KDM4C: variants seen among roughly 807,000 people sequenced by gnomAD.
The protein encoded by KDM4C is lysine-specific demethylase 4C.
A neutral mutation model predicts 129.3 loss-of-function variants in KDM4C; 81 were observed. The ratio of observed to expected loss-of-function variants is 0.63; its 90% confidence interval spans 0.52 to 0.75. The LOEUF (loss-of-function observed/expected upper bound fraction) is 0.75, where lower values mean the gene tolerates loss of function less well. KDM4C is among the 30% of genes least tolerant of loss of function. The pLI, the probability that KDM4C is intolerant of heterozygous loss-of-function variation, is 0.00. For missense variants in KDM4C, 1,457 were observed against 1,304.0 expected (o/e 1.12, Z -1.81); for synonymous variants, 573 against 456.1 (o/e 1.26, Z -3.26).
rs142696982 is a variant in KDM4C, at chr9:6,958,037, A to G, written c.922-22888A>G. ...TCCGAGGGAGAGAACAATTGTAGAC[A>G]TATAAACATTAGTTATAACAACTGA... is the stretch of plus-strand genomic sequence containing the variant. On this transcript the variant is annotated intron_variant, in intron 8 of 21. Coordinates refer to ENST00000381309, the MANE Select transcript of KDM4C (RefSeq NM_015061.6). Among the ~76,000 whole-genome samples the G allele has an allele frequency of 6.5e-3, 985 of 151,898 alleles. 19 individuals are homozygous for G. The highest frequency in any genetic ancestry group is 0.023 in the African/African-American group (960 of 41,368).
At chr9:7,032,512 G>A (rs1466388215) in intron 15 of KDM4C, among the ~76,000 whole-genome samples, 1 of 152,178 alleles carries the variant, frequency 6.6e-6, no homozygotes, top group African/African-American at 2.4e-5. Context: ...GAATAACTAT[G>A]GATTTTCATG....
intron 8 of KDM4C, among the ~76,000 whole-genome samples, chr9:6,977,876 C>A (rs1313085085): frequency 6.6e-6 from 1 of 152,080 alleles, no homozygotes; most frequent in Non-Finnish European, 1.5e-5. Context: ...GCACTTACTT[C>A]CCCTTGACCC....
chr9:6,889,411 G>C (rs1016331885), intron 7 of KDM4C, among the ~76,000 whole-genome samples: 1 of 151,992 alleles, frequency 6.6e-6, no homozygotes, highest in African/African-American at 2.4e-5. Flanking sequence ...TGGTTTACTC[G>C]CACGTTTTTA....
At chr9:6,863,893 C>T (rs558547844) in intron 5 of KDM4C, among the ~76,000 whole-genome samples, 11 of 151,966 alleles carry the variant, frequency 7.2e-5, no homozygotes, top group Non-Finnish European at 1.2e-4. Flanking sequence ...TCACCCATTA[C>T]CGTGAAGATG....
At chr9:7,070,396 C>T (rs534022627) in intron 17 of KDM4C, among the ~76,000 whole-genome samples, 1 of 152,004 alleles carries the variant, frequency 6.6e-6, no homozygotes, top group Non-Finnish European at 1.5e-5. Flanking sequence ...TTGCATAGGG[C>T]CAGCATAACC....
chr9:6,748,645 A>G (rs527835386), intron 1 of KDM4C: 53 of 906,546 alleles, frequency 5.8e-5, no homozygotes, highest in Non-Finnish European at 9.4e-5. Context: ...TATTGGACAA[A>G]GGACGTCTAA....
chr9:7,030,728 C>A (rs1006566552), intron 15 of KDM4C, among the ~76,000 whole-genome samples: 1 of 152,062 alleles, frequency 6.6e-6, no homozygotes, highest in Non-Finnish European at 1.5e-5. Flanking sequence ...TCAATATATG[C>A]CTTACAGTTA....
chr9:6,996,074 T>G (rs147143331), intron 12 of KDM4C, among the ~76,000 whole-genome samples: 1,668 of 152,342 alleles, frequency 0.011, 14 homozygotes, highest in Non-Finnish European at 0.015. Flanking sequence ...AACCATCACC[T>G]GAATAGTGTA....
intron 1 of KDM4C, among the ~76,000 whole-genome samples, chr9:6,751,172 A>G (rs1167163879): frequency 6.6e-6 from 1 of 152,196 alleles, no homozygotes; most frequent in Non-Finnish European, 1.5e-5. Context: ...TAGGCCGGGC[A>G]TGGTGTCTCA....
chr9:7,019,758 TA>T (rs1293028177), intron 15 of KDM4C, among the ~76,000 whole-genome samples: 169 of 103,066 alleles, frequency 1.6e-3, no homozygotes, highest in East Asian at 4.5e-3. Flanking sequence ...TTTTTATATA[TA>T]AAAATATAAT....
chr9:6,935,374 A>G (rs1824578727), intron 8 of KDM4C, among the ~76,000 whole-genome samples: 1 of 151,840 alleles, frequency 6.6e-6, no homozygotes, highest in Non-Finnish European at 1.5e-5. Context: ...TATCCTGTTC[A>G]CATATTTTTT....
intron 18 of KDM4C, among the ~76,000 whole-genome samples, chr9:7,125,652 G>A (rs1049632563): frequency 2.0e-5 from 3 of 152,238 alleles, no homozygotes; most frequent in Admixed American, 1.3e-4. Flanking sequence ...TGATTGACTA[G>A]TGATTCTGGA....
intron 5 of KDM4C, among the ~76,000 whole-genome samples, chr9:6,859,864 C>CAAAAAAAAAAAAAAA (rs34669716): frequency 1.2e-5 from 1 of 85,318 alleles, no homozygotes. Flanking sequence ...GACTCCGTCT[C>CAAAAAAAAAAAAAAA]AAAAAAAAAA....
At chr9:7,171,605 C>T (rs1204753130) in intron 21 of KDM4C, among the ~76,000 whole-genome samples, 2 of 152,070 alleles carry the variant, frequency 1.3e-5, no homozygotes, top group African/African-American at 4.8e-5. Context: ...ACTAAGCATC[C>T]TACCAGCTGA....
Position 6,887,946 on chromosome 9 carries a change from T to TTTAATAAATATATTTATTTATTAAATAAA in KDM4C, c.680-13_680-12insTAATAAATATATTTATTTATTAAATAAAT. ...ATCGACACAGTGCCACTTACATTTA[T>TTTAATAAATATATTTATTTATTAAATAAA]TGTTTCTTTTTAGGTTTTTTCCCAA... is the stretch of plus-strand genomic sequence containing the variant. On this transcript the variant is annotated splice_polypyrimidine_tract_variant and intron_variant, in intron 6 of 21. Coordinates refer to ENST00000381309, the MANE Select transcript of KDM4C (RefSeq NM_015061.6). 6.7e-7 allele frequency: 1 copy of TTTAATAAATATATTTATTTATTAAATAAA among 1,490,204 alleles called. No individual in the cohort carries two copies. The highest frequency in any genetic ancestry group is 9.4e-7 in the Non-Finnish European group (1 of 1,067,462). The allele number at this position is 1,490,204 out of a possible 1,614,324, so 92.3% of individuals were successfully genotyped here.
rs1554643688 is a variant in KDM4C, at chr9:6,919,223, C to CTTCTTTCTTTCT, written c.921+26006_921+26017dup. Reference sequence around the variant, plus strand: ...TTACAGATTCTGAATTTTCTTTTTCCTTCTTTCTTTCTTTCTTTCTTTCTT... The same window carrying CTTCTTTCTTTCT: ...TTACAGATTCTGAATTTTCTTTTTCCTTCTTTCTTTCTTTCTTTCTTTCTTTCTTTCTTTCTT... On this transcript the variant is annotated intron_variant, in intron 8 of 21. Coordinates refer to ENST00000381309, the MANE Select transcript of KDM4C (RefSeq NM_015061.6). 1.4e-4 allele frequency among the ~76,000 whole-genome samples: 15 copies of CTTCTTTCTTTCT among 109,034 alleles called. No homozygotes were observed. The East Asian group carries it at 1.4e-3, about 10-fold the overall frequency. The allele number at this position is 109,034 out of a possible 152,430, so 71.5% of individuals were successfully genotyped here.
intron 17 of KDM4C, among the ~76,000 whole-genome samples, chr9:7,067,434 T>C (rs1228829236): frequency 1.3e-5 from 2 of 152,240 alleles, no homozygotes; most frequent in Non-Finnish European, 2.9e-5. Flanking sequence ...GTGTTTGTCC[T>C]TGATTACATT....
chr9:7,113,392 C>T (rs1305120170), intron 18 of KDM4C, among the ~76,000 whole-genome samples: 1 of 152,178 alleles, frequency 6.6e-6, no homozygotes, highest in Non-Finnish European at 1.5e-5. Context: ...CAGGTAAAGC[C>T]AGAGAAGATA....
Position 7,103,998 on chromosome 9 carries a change from G to A in KDM4C, c.2610+128G>A, listed in dbSNP as rs910335410. 37 of 826,656 alleles carry A rather than the reference G, an allele frequency of 4.5e-5. No homozygotes were observed. The East Asian group carries it at 7.3e-4, about 16-fold the overall frequency. The allele number at this position is 826,656 out of a possible 1,614,324, so 51.2% of individuals were successfully genotyped here. Reference sequence around the variant, plus strand: ...CATTGTTGACATGTCTAGACCGTGAGTTCCTTGAGGGCAGGGATTGCGCAC... The same window carrying A: ...CATTGTTGACATGTCTAGACCGTGAATTCCTTGAGGGCAGGGATTGCGCAC... On this transcript the variant is annotated intron_variant, in intron 18 of 21. Coordinates refer to ENST00000381309, the MANE Select transcript of KDM4C (RefSeq NM_015061.6).
Sources: allele counts gnomAD v4.1 joint callset (sites outside exome capture counted in the v4.1 genomes callset), GRCh38; gene constraint gnomAD v4.1.1; transcripts MANE v1.5; gene names NCBI Gene and HGNC (gene_info 2026-07-23, HGNC 2026-07-21).